The following AIG1 variants were observed in gnomAD, a reference collection of about 807,000 sequenced individuals.
The protein encoded by AIG1 is androgen induced 1.
A neutral mutation model predicts 31.4 loss-of-function variants in AIG1; 23 were observed. That is an observed-to-expected ratio of 0.73 (90% CI 0.53 to 1.04). The LOEUF (loss-of-function observed/expected upper bound fraction) is 1.04, where lower values mean the gene tolerates loss of function less well. Among genes scored for constraint, AIG1 ranks in the 50% least tolerant of loss-of-function variants. The pLI, the probability that AIG1 is intolerant of heterozygous loss-of-function variation, is 0.00. For synonymous variants in AIG1, 100 were observed against 110.5 expected, an observed-to-expected ratio of 0.90 and a Z score of 0.60; for missense variants, 274 against 295.0, an observed-to-expected ratio of 0.93 and a Z score of 0.52.
chr6:143,315,937 A>G (rs1011294968), intron 4 of AIG1, among the ~76,000 whole-genome samples: 10 of 152,124 alleles, frequency 6.6e-5, no homozygotes, highest in African/African-American at 2.4e-4. Flanking sequence ...AGAGATTGTA[A>G]GAGGACTGAA....
chr6:143,069,069 C>T (rs890031173), intron 1 of AIG1, among the ~76,000 whole-genome samples: 6 of 151,044 alleles, frequency 4.0e-5, no homozygotes, highest in African/African-American at 1.5e-4. Context: ...GGTTAGAGTG[C>T]ACTGGCGTGA....
chr6:143,147,177 T>G (rs1784786915), intron 2 of AIG1, among the ~76,000 whole-genome samples: 1 of 152,206 alleles, frequency 6.6e-6, no homozygotes, highest in South Asian at 2.1e-4. Context: ...TGAATTGTGT[T>G]GGTGAAGCTG....
At chr6:143,097,966 G>C (rs1779942750) in intron 1 of AIG1, among the ~76,000 whole-genome samples, 1 of 152,128 alleles carries the variant, frequency 6.6e-6, no homozygotes, top group Non-Finnish European at 1.5e-5. Context: ...TTATTACTCA[G>C]AGTATCTCTC....
At chr6:143,145,823 G>T (rs1306784046) in intron 2 of AIG1, among the ~76,000 whole-genome samples, 2 of 152,080 alleles carry the variant, frequency 1.3e-5, no homozygotes, top group African/African-American at 4.8e-5. Flanking sequence ...TTTTATGTTA[G>T]TATGAAAAAT....
chr6:143,090,970 T>C (rs1289610095), intron 1 of AIG1, among the ~76,000 whole-genome samples: 1 of 152,132 alleles, frequency 6.6e-6, no homozygotes, highest in African/African-American at 2.4e-5. Flanking sequence ...TGCTGCTGCT[T>C]TATCAACTAA....
At chr6:143,309,310 T>G (rs1402616997) in intron 4 of AIG1, among the ~76,000 whole-genome samples, 1 of 151,942 alleles carries the variant, frequency 6.6e-6, no homozygotes, top group Non-Finnish European at 1.5e-5. Flanking sequence ...AAGAAAAATA[T>G]AGTTCAGAAA....
In AIG1 at chr6:143,093,604, A is replaced by C. The variant is rs192923132; in HGVS notation, c.141+32538A>C. 4.6e-5 allele frequency among the ~76,000 whole-genome samples: 7 copies of C among 152,328 alleles called. No homozygotes were observed. In the East Asian group the frequency reaches 1.3e-3, roughly 29 times the overall value. Reference sequence around the variant, plus strand: ...CACAACTTGGGTAACTGTTTAGCACAAGAGGCCTAGTTTTTGGCCTGTCTA... The same window carrying C: ...CACAACTTGGGTAACTGTTTAGCACCAGAGGCCTAGTTTTTGGCCTGTCTA... On this transcript the variant is annotated intron_variant, in intron 1 of 5. Transcript: ENST00000357847.
intron 3 of AIG1, among the ~76,000 whole-genome samples, chr6:143,252,169 G>T (rs1795052544): frequency 6.6e-6 from 1 of 152,082 alleles, no homozygotes; most frequent in Non-Finnish European, 1.5e-5. Flanking sequence ...GCCCAGGCTG[G>T]AGTGCAATGG....
chr6:143,128,333 A>C (rs956253820), intron 1 of AIG1, among the ~76,000 whole-genome samples: 1 of 152,198 alleles, frequency 6.6e-6, no homozygotes, highest in African/African-American at 2.4e-5. Context: ...AAAAAGATGG[A>C]GAAGGAATTA....
chr6:143,158,636 A>G (rs1438027677), intron 2 of AIG1, among the ~76,000 whole-genome samples: 1 of 152,164 alleles, frequency 6.6e-6, no homozygotes, highest in African/African-American at 2.4e-5. Context: ...AGGATGATAG[A>G]AGACTTAAGC....
At chr6:143,089,107 G>A (rs1779068544) in intron 1 of AIG1, among the ~76,000 whole-genome samples, 1 of 151,946 alleles carries the variant, frequency 6.6e-6, no homozygotes, top group African/African-American at 2.4e-5. Flanking sequence ...CTACTCAAGA[G>A]GCAGAGGCAG....
chr6:143,071,334 C>T (rs975776702), intron 1 of AIG1, among the ~76,000 whole-genome samples: 6 of 152,244 alleles, frequency 3.9e-5, no homozygotes, highest in East Asian at 1.9e-4. Context: ...GCCATTTATC[C>T]GTTAAGGGAT....
At chr6:143,296,730 G>T (rs916146324) in intron 4 of AIG1, among the ~76,000 whole-genome samples, 1 of 152,182 alleles carries the variant, frequency 6.6e-6, no homozygotes, top group African/African-American at 2.4e-5. Flanking sequence ...GCTTGTTATG[G>T]GATGGAAATG....
intron 2 of AIG1, among the ~76,000 whole-genome samples, chr6:143,158,709 A>G (rs1786034740): frequency 6.6e-6 from 1 of 152,180 alleles, no homozygotes; most frequent in Non-Finnish European, 1.5e-5. Context: ...AGTAGCCTGG[A>G]AAGAAGGAGA....
chr6:143,247,635 G>A (rs1402540415), intron 3 of AIG1, among the ~76,000 whole-genome samples: 1 of 152,184 alleles, frequency 6.6e-6, no homozygotes, highest in Non-Finnish European at 1.5e-5. Flanking sequence ...ATCTCTTTGG[G>A]TAAGTTTATT....
At chr6:143,125,439 A>T (rs1236714164) in intron 1 of AIG1, among the ~76,000 whole-genome samples, 1 of 152,244 alleles carries the variant, frequency 6.6e-6, no homozygotes, top group Non-Finnish European at 1.5e-5. Flanking sequence ...TTGTTAAAAA[A>T]ATCAATGGTA....
chr6:143,209,880 C>T (rs1005995066), intron 3 of AIG1, among the ~76,000 whole-genome samples: 4 of 152,204 alleles, frequency 2.6e-5, no homozygotes, highest in Non-Finnish European at 5.9e-5. Context: ...CACTCAAGAA[C>T]GTCTCTTCTA....
intron 3 of AIG1, among the ~76,000 whole-genome samples, chr6:143,193,961 A>C (rs144183764): frequency 6.6e-6 from 1 of 152,346 alleles, no homozygotes; most frequent in African/African-American, 2.4e-5. Context: ...GGGAAGAAAA[A>C]GGATATATAT....
chr6:143,059,827 T>C (rs1457388631), upstream of AIG1, among the ~76,000 whole-genome samples: 1 of 152,218 alleles, frequency 6.6e-6, no homozygotes, highest in Admixed American at 6.5e-5. Context: ...CTTTTCATAA[T>C]CCGAACCTGC....
Sources: allele counts gnomAD v4.1 joint callset (sites outside exome capture counted in the v4.1 genomes callset), GRCh38; gene constraint gnomAD v4.1.1; transcripts MANE v1.5; gene names NCBI Gene and HGNC (gene_info 2026-07-23, HGNC 2026-07-21).